Variants in GREB1 observed in about 807,000 individuals in gnomAD.
The protein encoded by GREB1 is growth regulating estrogen receptor binding 1, also known as protein GREB1.
Under a neutral mutation model 200.7 loss-of-function variants are expected in GREB1, and 106 were observed. That is an observed-to-expected ratio of 0.53 (90% CI 0.45 to 0.62). The LOEUF (loss-of-function observed/expected upper bound fraction) is 0.62. GREB1 is among the 20% of genes least tolerant of loss of function. The probability of loss-of-function intolerance (pLI) is 0.00; values close to 1 mark genes in which losing one functional copy is unlikely to be tolerated. For missense variants in GREB1, 2,243 were observed against 2,556.8 expected, an observed-to-expected ratio of 0.88 and a Z score of 2.65; for synonymous variants, 1,132 against 1,092.4, an observed-to-expected ratio of 1.04 and a Z score of -0.72.
Position 11,587,741 on chromosome 2 carries a change from A to ACACACACACACACACGCGCGCGCGCG in GREB1, c.1160-1004_1160-1003insACACACACACACACGCGCGCGCGCGC. On this transcript the variant is annotated intron_variant, in intron 9 of 32. Transcript: ENST00000381486. ...CACACACACACACACACACACACACACGCCACCTTTGGGAGCTCAGCAGCC... is the reference window on the plus strand; with the variant it reads ...CACACACACACACACACACACACACACACACACACACACACGCGCGCGCGCGCGCCACCTTTGGGAGCTCAGCAGCC... The ACACACACACACACACGCGCGCGCGCG allele has an allele frequency of 3.9e-5, 31 of 788,408 alleles. 1 individual carries two copies. The African/African-American group carries it at 5.0e-4, about 13-fold the overall frequency. 48.8% of individuals were successfully genotyped at this position (788,408 alleles called of 1,614,324 possible).
At chr2:11,626,452 G>A (rs1393729556) in intron 24 of GREB1, among the ~76,000 whole-genome samples, 1 of 152,136 alleles carries the variant, frequency 6.6e-6, no homozygotes, top group East Asian at 1.9e-4. Context: ...GCCAGGTTTG[G>A]TGGCGTGCAC....
intron 1 of GREB1, among the ~76,000 whole-genome samples, chr2:11,555,598 A>G (rs1676352202): frequency 1.3e-5 from 2 of 152,356 alleles, no homozygotes; most frequent in South Asian, 4.1e-4. Flanking sequence ...TCTTGGAGAC[A>G]TTGTGCTAAC....
Position 11,483,239 on chromosome 2 carries a change from CGTGTATGGGT to C in GREB1, c.-159+862_-159+871del, listed in dbSNP as rs575970873. ...TGTGTGTGGGGTGTGCGTGCGTGTG[CGTGTATGGGT>C]GTGCGTGTGTGCACGTGTGTGCGTG... On this transcript the variant is annotated intron_variant, in intron 1 of 2. Transcript: ENST00000628795. Among the ~76,000 whole-genome samples the C allele has an allele frequency of 7.2e-3, 1,043 of 144,258 alleles. 14 individuals are homozygous for C. The highest frequency in any genetic ancestry group is 0.026 in the African/African-American group (996 of 38,480). The allele number at this position is 144,258 out of a possible 152,430, so 94.6% of individuals were successfully genotyped here. A position where few individuals can be genotyped will look rare whatever the true frequency, so the allele number is the denominator to read the frequency against.
In GREB1 at chr2:11,513,929, C is replaced by T. The variant is rs971632941; in HGVS notation, c.-159+31548C>T. ...TGTGGCAGGTACTGAGCTAGGCTTC[C>T]GGGTTGTAGAGCTGCCTAAGTCCTG... On this transcript the variant is annotated intron_variant, in intron 1 of 2. Coordinates refer to the GREB1 transcript ENST00000628795. Among the ~76,000 whole-genome samples the T allele has an allele frequency of 5.9e-5, 9 of 152,274 alleles. No individual in the cohort carries two copies. In the East Asian group the frequency reaches 7.7e-4, roughly 13 times the overall value.
chr2:11,526,489 C>T (rs1336453814), intron 1 of GREB1, among the ~76,000 whole-genome samples: 1 of 151,322 alleles, frequency 6.6e-6, no homozygotes, highest in Non-Finnish European at 1.5e-5. Flanking sequence ...TAATTGTGAT[C>T]TTATTCTCTA....
At chr2:11,571,772 G>A (rs544565185) in intron 4 of GREB1, among the ~76,000 whole-genome samples, 20 of 151,870 alleles carry the variant, frequency 1.3e-4, no homozygotes, top group African/African-American at 3.9e-4. Context: ...GTGCAGTGGC[G>A]CGATGTCGGC....
chr2:11,486,876 TAAAC>T (rs1249267121), intron 1 of GREB1, among the ~76,000 whole-genome samples: 5 of 151,586 alleles, frequency 3.3e-5, no homozygotes, highest in African/African-American at 4.8e-5. Context: ...CTCGGAAAAA[TAAAC>T]AAACAAAAAA....
intron 24 of GREB1, among the ~76,000 whole-genome samples, chr2:11,626,068 C>T (rs892834661): frequency 6.6e-6 from 1 of 152,090 alleles, no homozygotes; most frequent in Non-Finnish European, 1.5e-5. Flanking sequence ...AGTTATCTCC[C>T]ATCAGGTCCC....
At position 11,610,907 on chromosome 2, in the gene GREB1, G is replaced by A. The variant is rs748247307; in HGVS notation, c.2886G>A (p.Val962=). 33 of 1,612,904 alleles carry A rather than the reference G, an allele frequency of 2.0e-5. No individual in the cohort carries two copies. In the South Asian group the frequency reaches 3.5e-4, roughly 17 times the overall value. ...LRVPCSPLAV[V]AYERLAHVRA... Reference sequence around the variant, plus strand: ...TGCCCTGTTCGCCCCTGGCGGTGGTGGCCTATGAGCGGCTGGCCCACGTGC... The same window carrying A: ...TGCCCTGTTCGCCCCTGGCGGTGGTAGCCTATGAGCGGCTGGCCCACGTGC... Residue 962 remains valine (V), a synonymous_variant, in exon 18 of 33, where the codon GTG becomes GTA. Coordinates refer to ENST00000381486, the MANE Select transcript of GREB1 (RefSeq NM_014668.4).
intron 1 of GREB1, among the ~76,000 whole-genome samples, chr2:11,500,318 C>T (rs533657149): frequency 2.0e-5 from 3 of 152,276 alleles, no homozygotes; most frequent in Admixed American, 6.5e-5. Flanking sequence ...TGTGCCACTA[C>T]GCCTGGCTAA....
chr2:11,611,654 C>T (rs1682938757), intron 18 of GREB1, among the ~76,000 whole-genome samples: 1 of 152,142 alleles, frequency 6.6e-6, no homozygotes, highest in Non-Finnish European at 1.5e-5. Flanking sequence ...GCCACCCTCC[C>T]CCTCTGCCAT....
At chr2:11,611,934 C>T (rs554795231) in intron 18 of GREB1, among the ~76,000 whole-genome samples, 69 of 152,258 alleles carry the variant, frequency 4.5e-4, no homozygotes, top group African/African-American at 8.7e-4. Context: ...TGGCTTACAC[C>T]TGTAATCCCA....
At chr2:11,538,692 T>C (rs1157577056) in intron 1 of GREB1, among the ~76,000 whole-genome samples, 12 of 81,160 alleles carry the variant, frequency 1.5e-4, no homozygotes, top group East Asian at 1.3e-3. Flanking sequence ...TTTCTTTCCT[T>C]CCTCCCTCCC....
intron 5 of GREB1, among the ~76,000 whole-genome samples, chr2:11,577,471 G>A (rs868309292): frequency 2.0e-5 from 3 of 152,248 alleles, no homozygotes; most frequent in African/African-American, 7.2e-5. Context: ...TGATTGGGAT[G>A]CAGCTTTCAG....
intron 7 of GREB1, among the ~76,000 whole-genome samples, chr2:11,584,001 G>T (rs986766132): frequency 2.0e-5 from 3 of 152,138 alleles, no homozygotes; most frequent in Non-Finnish European, 4.4e-5. Context: ...AGTGCCTCGG[G>T]TCACACCTGG....
At chr2:11,565,809 A>T (rs1449670109) in intron 3 of GREB1, among the ~76,000 whole-genome samples, 1 of 152,040 alleles carries the variant, frequency 6.6e-6, no homozygotes, top group Non-Finnish European at 1.5e-5. Context: ...TTCGTTTTTC[A>T]TGATGGCCTC....
In GREB1 at chr2:11,618,363, C is replaced by G; in HGVS notation, c.3488C>G (p.Pro1163Arg). The change falls in exon 22 of 33, where the codon CCC (proline) becomes CGC (arginine). Residue 1163 changes from proline to arginine, a missense_variant. Pro to Arg is a moderately radical substitution (Grantham distance 103, BLOSUM62 -2). Around this residue, in one of 3 missense-constraint regions of GREB1, gnomAD observed 587 missense variants for 553.1 expected, o/e 1.06. Transcript: ENST00000381486. ...GGAGAGCATGCCAGGTCGCCCCAGC[C>G]CCGTGGCCCCGCAGAGGAGGGCAGA... ...PQGEHARSPQ[P>R]RGPAEEGRAP... The G allele has an allele frequency of 6.2e-7, 1 of 1,610,926 alleles. No homozygotes were observed.
At chr2:11,630,464 G>A (rs118121123) in intron 26 of GREB1, among the ~76,000 whole-genome samples, 1 of 152,280 alleles carries the variant, frequency 6.6e-6, no homozygotes, top group East Asian at 1.9e-4. Context: ...CTGGGTAGAC[G>A]TTCATCCCCT....
At chr2:11,483,687 GGTGTGT>G (rs57352590) in intron 1 of GREB1, among the ~76,000 whole-genome samples, 48,969 of 132,128 alleles carry the variant, frequency 0.37, 10,128 homozygotes, top group Admixed American at 0.49. Context: ...TACAAGAAGG[GGTGTGT>G]GTGTGTGTGT....
Sources: allele counts gnomAD v4.1 joint callset (sites outside exome capture counted in the v4.1 genomes callset), GRCh38; gene constraint gnomAD v4.1.1; regional missense constraint gnomAD v4.1.1; transcripts MANE v1.5; gene names NCBI Gene and HGNC (gene_info 2026-07-23, HGNC 2026-07-21).